PDE12: variants seen among roughly 807,000 people sequenced by gnomAD.
PDE12 encodes phosphodiesterase 12, also known as 2',5'-phosphodiesterase 12.
A neutral mutation model predicts 45.4 loss-of-function variants in PDE12; 26 were observed. That is an observed-to-expected ratio of 0.57 (90% CI 0.42 to 0.79). PDE12 has a LOEUF of 0.79. Ranked by LOEUF, PDE12 falls within the 30% of genes least tolerant of loss-of-function variation. The pLI is 0.00. For synonymous variants in PDE12, 283 were observed against 323.9 expected, an observed-to-expected ratio of 0.87 and a Z score of 1.36; for missense variants, 668 against 790.0, an observed-to-expected ratio of 0.85 and a Z score of 1.85.
At chr3:57,595,418 C>T in the PDE12 span, among the ~76,000 whole-genome samples, 1 of 152,202 alleles carries the variant, frequency 6.6e-6, no homozygotes, top group East Asian at 1.9e-4. Flanking sequence ...CTTTCAGCCA[C>T]TGAAAACTTA....
At chr3:57,631,754 A>C in the PDE12 span, among the ~76,000 whole-genome samples, 1 of 106,964 alleles carries the variant, frequency 9.3e-6, no homozygotes, top group Non-Finnish European at 1.7e-5. Flanking sequence ...ACGGAGTCTC[A>C]CTCTTTCGCC....
At chr3:57,636,983 G>T in the PDE12 span, among the ~76,000 whole-genome samples, 1 of 150,988 alleles carries the variant, frequency 6.6e-6, no homozygotes, top group Non-Finnish European at 1.5e-5. Flanking sequence ...AGGAGAAAAG[G>T]CCTTTTGAGT....
chr3:57,627,007 A>G, the PDE12 span: 2 of 152,094 alleles, frequency 1.3e-5, no homozygotes, highest in Non-Finnish European at 2.9e-5. Flanking sequence ...CACATAAAAA[A>G]CTCATGAATG....
chr3:57,639,109 A>C, the PDE12 span, among the ~76,000 whole-genome samples: 197 of 152,284 alleles, frequency 1.3e-3, no homozygotes, highest in African/African-American at 4.6e-3. Context: ...CACACACACA[A>C]AAAGACAAAA....
chr3:57,594,209 A>C, the PDE12 span, among the ~76,000 whole-genome samples: 1 of 152,188 alleles, frequency 6.6e-6, no homozygotes, highest in Admixed American at 6.5e-5. Context: ...GGGAGACAAG[A>C]GTGAAACTCC....
At chr3:57,654,741 G>C in the PDE12 span, 1 of 985,156 alleles carries the variant, frequency 1.0e-6, no homozygotes, top group African/African-American at 1.7e-5. Context: ...CTAGTGAAAG[G>C]AGCGCCTACA....
the PDE12 span, chr3:57,571,955 T>C: frequency 5.7e-5 from 21 of 370,086 alleles, no homozygotes; most frequent in Non-Finnish European, 1.0e-4. Flanking sequence ...ACAAGAGCTA[T>C]GTCCAGGCAT....
the PDE12 span, among the ~76,000 whole-genome samples, chr3:57,586,789 C>G: frequency 1.3e-5 from 2 of 151,912 alleles, no homozygotes; most frequent in Non-Finnish European, 2.9e-5. Context: ...AGATATAAAA[C>G]AAAGGGGGGT....
At chr3:57,647,600 A>C in the PDE12 span, among the ~76,000 whole-genome samples, 2 of 152,192 alleles carry the variant, frequency 1.3e-5, no homozygotes, top group Non-Finnish European at 2.9e-5. Flanking sequence ...GTAGCATCAA[A>C]GACAGAATGA....
At chr3:57,618,407 T>C in the PDE12 span, among the ~76,000 whole-genome samples, 12 of 151,942 alleles carry the variant, frequency 7.9e-5, no homozygotes, top group African/African-American at 2.9e-4. Context: ...ATTTGTTTTA[T>C]GGTAGATCTT....
At chr3:57,628,311 G>A in the PDE12 span, 2 of 1,614,026 alleles carry the variant, frequency 1.2e-6, no homozygotes. Flanking sequence ...CATAGTGTCA[G>A]GTTTCACAGG....
chr3:57,618,446 A>G, the PDE12 span, among the ~76,000 whole-genome samples: 3 of 151,972 alleles, frequency 2.0e-5, no homozygotes, highest in Admixed American at 2.0e-4. Flanking sequence ...TTTTTGAGAC[A>G]GGGTCTCACT....
At chr3:57,590,128 T>TAAAA in the PDE12 span, among the ~76,000 whole-genome samples, 2 of 144,414 alleles carry the variant, frequency 1.4e-5, no homozygotes, top group East Asian at 2.1e-4. Context: ...AATAAATAAA[T>TAAAA]AAATAAAACA....
the PDE12 span, among the ~76,000 whole-genome samples, chr3:57,650,103 A>G: frequency 2.0e-5 from 3 of 152,098 alleles, no homozygotes; most frequent in Admixed American, 1.3e-4. Flanking sequence ...ATGCAAAGAC[A>G]TAAGAATGAT....
chr3:57,597,163 G>A, the PDE12 span: 2 of 1,607,734 alleles, frequency 1.2e-6, no homozygotes, highest in South Asian at 1.1e-5. Flanking sequence ...ACTTGTGATG[G>A]GCAGAAGCAG....
At chr3:57,570,532 G>A (rs2069830324), downstream of PDE12, among the ~76,000 whole-genome samples, 1 of 151,812 alleles carries the variant, frequency 6.6e-6, no homozygotes, top group South Asian at 2.1e-4. Flanking sequence ...TTATTTATTT[G>A]ACAATTCAAA....
chr3:57,589,874 T>C, the PDE12 span, among the ~76,000 whole-genome samples: 3 of 150,606 alleles, frequency 2.0e-5, no homozygotes, highest in African/African-American at 7.3e-5. Flanking sequence ...GGGTGGATCA[T>C]GAGGCCAGGA....
At chr3:57,610,885 C>T in the PDE12 span, among the ~76,000 whole-genome samples, 2 of 152,118 alleles carry the variant, frequency 1.3e-5, no homozygotes, top group Non-Finnish European at 2.9e-5. Flanking sequence ...GAAAAAACTA[C>T]CTTAAAGTTC....
chr3:57,633,839 C>A, the PDE12 span, among the ~76,000 whole-genome samples: 1 of 151,000 alleles, frequency 6.6e-6, no homozygotes, highest in Non-Finnish European at 1.5e-5. Flanking sequence ...TGCAGTGAGC[C>A]GAGATTGTGC....
Sources: gnomAD v4.1 joint callset for allele counts (sites outside exome capture counted in the v4.1 genomes callset) on GRCh38, gnomAD v4.1.1 for gene constraint, MANE v1.5 for transcripts, NCBI Gene and HGNC (gene_info 2026-07-23, HGNC 2026-07-21) for gene names.